Variants in TACC2 observed in about 807,000 individuals in gnomAD.
The protein encoded by TACC2 is transforming acidic coiled-coil-containing protein 2.
TACC2 carries 137 observed loss-of-function variants against 227.3 expected under a neutral mutation model. The observed-to-expected ratio is 0.60, with a 90% confidence interval of 0.52 to 0.69. The LOEUF (loss-of-function observed/expected upper bound fraction) is 0.69, where lower values mean the gene tolerates loss of function less well. TACC2 is among the 30% of genes least tolerant of loss of function. The probability of loss-of-function intolerance (pLI) is 0.00; values close to 1 mark genes in which losing one functional copy is unlikely to be tolerated. For missense variants in TACC2, 3,470 were observed against 3,694.4 expected, an observed-to-expected ratio of 0.94 and a Z score of 1.57; for synonymous variants, 1,523 against 1,487.5, an observed-to-expected ratio of 1.02 and a Z score of -0.55.
In TACC2 at chr10:122,086,491, C is replaced by T. The variant is rs574376849; in HGVS notation, c.3991C>T (p.Arg1331Trp). Residue 1331 changes from arginine to tryptophan, a missense_variant, in exon 4 of 23, where the codon CGG (arginine) becomes TGG (tryptophan). Arg to Trp is a moderately radical substitution (Grantham distance 101). This residue lies in a region of TACC2 where 1,924 missense variants were observed against 1,978.3 expected (regional missense o/e 0.97). Transcript: ENST00000369005. ...GPVDSMPCLD[R>W]MPLLAKGKQA... Reference sequence around the variant, plus strand: ...AGTGGACTCCATGCCATGCCTGGACCGGATGCCACTTCTGGCCAAGGGCAA... The same window carrying T: ...AGTGGACTCCATGCCATGCCTGGACTGGATGCCACTTCTGGCCAAGGGCAA... 83 of 1,613,650 alleles carry T rather than the reference C, an allele frequency of 5.1e-5. 1 individual carries two copies. The Middle Eastern group carries it at 1.2e-3, about 22-fold the overall frequency.
intron 5 of TACC2, among the ~76,000 whole-genome samples, chr10:122,104,525 C>G (rs111952600): frequency 1.3e-5 from 2 of 152,102 alleles, no homozygotes; most frequent in Non-Finnish European, 2.9e-5. Flanking sequence ...CTTGCCACCA[C>G]GCCCAGCTAA....
intron 3 of TACC2, among the ~76,000 whole-genome samples, chr10:122,055,479 T>C (rs1444526736): frequency 6.6e-6 from 1 of 152,204 alleles, no homozygotes; most frequent in Non-Finnish European, 1.5e-5. Flanking sequence ...AAACACTGCA[T>C]GTTCTCACTT....
chr10:122,122,335 A>AT (rs2085988550), intron 5 of TACC2, among the ~76,000 whole-genome samples: 1 of 152,218 alleles, frequency 6.6e-6, no homozygotes, highest in South Asian at 2.1e-4. Context: ...AGCCGGGGCG[A>AT]CAAGAATGAA....
intron 8 of TACC2, among the ~76,000 whole-genome samples, chr10:122,204,542 G>A (rs1565609486): frequency 6.6e-6 from 1 of 152,212 alleles, no homozygotes; most frequent in Non-Finnish European, 1.5e-5. Flanking sequence ...GCAGGACAGA[G>A]AGGGACATGT....
chr10:122,037,968 A>T (rs1211803491), intron 2 of TACC2, among the ~76,000 whole-genome samples: 1 of 152,178 alleles, frequency 6.6e-6, no homozygotes, highest in Admixed American at 6.5e-5. Context: ...AGAGAATAAA[A>T]GGAGTGCACT....
At chr10:122,185,105 A>G (rs901538014) in intron 7 of TACC2, among the ~76,000 whole-genome samples, 9 of 147,868 alleles carry the variant, frequency 6.1e-5, no homozygotes, top group Admixed American at 1.4e-4. Context: ...GGCTCAAGCA[A>G]TCCTCCTGCC....
At position 122,210,521 on chromosome 10, in the gene TACC2, C is replaced by T. The variant is rs1296165600; in HGVS notation, c.6096C>T (p.Ser2032=). The T allele has an allele frequency of 6.2e-7, 1 of 1,614,190 alleles. No homozygotes were observed. The highest frequency in any genetic ancestry group is 1.1e-5 in the South Asian group (1 of 91,074). Residue 2032 remains serine (S), a synonymous_variant, in exon 9 of 23, where the codon AGC becomes AGT. Coordinates refer to ENST00000369005, the MANE Select transcript of TACC2 (RefSeq NM_206862.4). This position sits in a 1 kb window ranked among gnomAD's most constrained non-coding sequence, Gnocchi z 4.6. ...AVFDEDKPIA[S]SGTYNLDFDN... ...TCGATGAAGACAAGCCGATAGCCAG[C>T]AGTGGGACTTACAACTTGGACTTTG... is the stretch of plus-strand genomic sequence containing the variant.
chr10:122,206,626 G>T (rs1053016975), intron 8 of TACC2, among the ~76,000 whole-genome samples: 6 of 152,224 alleles, frequency 3.9e-5, no homozygotes, highest in African/African-American at 1.4e-4. Context: ...AAACCGCCCA[G>T]TCTGTGGTCC....
chr10:122,065,538 G>A (rs149461740), intron 3 of TACC2, among the ~76,000 whole-genome samples: 8 of 152,130 alleles, frequency 5.3e-5, no homozygotes, highest in African/African-American at 1.9e-4. Context: ...ACAGAATATG[G>A]TCTCCCTTGT....
At chr10:122,053,646 C>T (rs1003336013) in intron 3 of TACC2, among the ~76,000 whole-genome samples, 3 of 152,138 alleles carry the variant, frequency 2.0e-5, no homozygotes, top group Admixed American at 1.3e-4. Context: ...AGCCCATGAC[C>T]GCTTCCTCGA....
chr10:122,212,975 C>G (rs1382885791), intron 9 of TACC2, among the ~76,000 whole-genome samples: 3 of 152,374 alleles, frequency 2.0e-5, no homozygotes, highest in Admixed American at 2.0e-4. Flanking sequence ...TAGCCGCCAC[C>G]TCTTCCTTCT....
chr10:122,030,809 G>A (rs538762708), intron 2 of TACC2, among the ~76,000 whole-genome samples: 67 of 152,070 alleles, frequency 4.4e-4, no homozygotes, highest in Non-Finnish European at 2.1e-4. Flanking sequence ...TGAAGCATGG[G>A]TGTGTCTGGC....
intron 7 of TACC2, among the ~76,000 whole-genome samples, chr10:122,159,370 C>T (rs947833891): frequency 2.0e-5 from 3 of 152,198 alleles, no homozygotes; most frequent in South Asian, 2.1e-4. Flanking sequence ...AGCCCGGCAC[C>T]GCACCATTCT....
chr10:122,086,938 G>T lies in TACC2; in HGVS notation c.4438G>T (p.Gly1480Ter). Residue 1480 changes from glycine to a stop codon, truncating the protein, a stop_gained, in exon 4 of 23, where the codon GGA becomes TGA. Coordinates refer to ENST00000369005, the MANE Select transcript of TACC2 (RefSeq NM_206862.4). LOFTEE classifies it high-confidence loss of function. ...GGTGGAGAAGAAGCAACAGTTGGCT[G>T]GAGAGGCTGAGATTTCCCATCTGGC... ...LQVEKKQQLAGEAEISHLALQ... is the reference protein window; with the variant it reads ...LQVEKKQQLA 1 of 1,613,994 alleles carries T rather than the reference G, an allele frequency of 6.2e-7. No individual in the cohort carries two copies. The highest frequency in any genetic ancestry group is 8.5e-7 in the Non-Finnish European group (1 of 1,180,056).
chr10:122,249,448 C>T (rs2096206519), intron 21 of TACC2, 96 bp from the exon 22 acceptor site: 5 of 1,526,516 alleles, frequency 3.3e-6, no homozygotes, highest in South Asian at 2.5e-5. Context: ...CAGCTGGGGC[C>T]AGACCAGGCC....
chr10:122,055,980 C>T (rs769559633), intron 3 of TACC2, among the ~76,000 whole-genome samples: 2 of 152,156 alleles, frequency 1.3e-5, no homozygotes, highest in Non-Finnish European at 2.9e-5. Context: ...CCATCCATAC[C>T]CTGTCTCACT....
intron 4 of TACC2, 117 bp downstream of exon 4, chr10:122,088,076 A>G (rs149663406): frequency 9.7e-6 from 11 of 1,131,888 alleles, no homozygotes; most frequent in Non-Finnish European, 1.3e-5. Context: ...TGAGTTTTCC[A>G]TATCTAATTG....
At chr10:122,020,957 C>T (rs1005917795) in intron 1 of TACC2, among the ~76,000 whole-genome samples, 2 of 152,074 alleles carry the variant, frequency 1.3e-5, no homozygotes, top group African/African-American at 2.4e-5. Context: ...ATAGGCCGGG[C>T]GCGGTGGCTC....
intron 3 of TACC2, among the ~76,000 whole-genome samples, chr10:122,062,025 C>CTTTTTTT (rs140523380): frequency 4.7e-5 from 3 of 63,998 alleles, no homozygotes; most frequent in African/African-American, 6.2e-5. Context: ...GTCAGAGCGG[C>CTTTTTTT]TTTTTTTTTT....
Sources: allele counts gnomAD v4.1 joint callset (sites outside exome capture counted in the v4.1 genomes callset), GRCh38; gene constraint gnomAD v4.1.1; regional missense constraint gnomAD v4.1.1; non-coding constraint Gnocchi (gnomAD v3.1); transcripts MANE v1.5; gene names NCBI Gene and HGNC (gene_info 2026-07-23, HGNC 2026-07-21).